Variants in NRG1 observed in about 807,000 individuals in gnomAD.
NRG1 encodes the protein pro-neuregulin-1, membrane-bound isoform.
A neutral mutation model predicts 63.8 loss-of-function variants in NRG1; 18 were observed. The observed-to-expected ratio is 0.28, with a 90% CI of 0.19 to 0.42. The LOEUF is 0.42. Among genes scored for constraint, NRG1 ranks in the 10% least tolerant of loss-of-function variants. The pLI, the probability that NRG1 is intolerant of heterozygous loss-of-function variation, is 1.00. For synonymous variants in NRG1, 302 were observed against 301.3 expected (o/e 1.00, Z -0.02); for missense variants, 762 against 814.7 (o/e 0.94, Z 0.79).
At chr8:32,136,553 A>G (rs371252085) in intron 1 of NRG1, 1 of 152,230 alleles carries the variant, frequency 6.6e-6, no homozygotes, top group African/African-American at 2.4e-5. Flanking sequence ...TTGTGGTGGC[A>G]TATCTTTCTG....
chr8:32,357,781 A>G (rs1281007457), intron 1 of NRG1, among the ~76,000 whole-genome samples: 2 of 152,224 alleles, frequency 1.3e-5, no homozygotes, highest in African/African-American at 4.8e-5. Context: ...GCTGTTGGGA[A>G]TAGAAAAATT....
At chr8:31,800,444 A>T (rs981998686) in intron 1 of NRG1, among the ~76,000 whole-genome samples, 2 of 152,178 alleles carry the variant, frequency 1.3e-5, no homozygotes, top group African/African-American at 2.4e-5. Context: ...TTTTTAAAGC[A>T]TGTCTTATAG....
intron 1 of NRG1, among the ~76,000 whole-genome samples, chr8:32,033,497 A>T (rs1818593237): frequency 6.6e-6 from 1 of 152,154 alleles, no homozygotes; most frequent in Non-Finnish European, 1.5e-5. Flanking sequence ...TGTCAATTGT[A>T]TTTTAATGGA....
intron 1 of NRG1, among the ~76,000 whole-genome samples, chr8:32,202,052 G>A (rs1273063096): frequency 6.6e-6 from 1 of 152,150 alleles, no homozygotes; most frequent in African/African-American, 2.4e-5. Context: ...AATTTCTCAT[G>A]GTTGTGGTCT....
intron 1 of NRG1, among the ~76,000 whole-genome samples, chr8:32,030,114 AAT>A (rs1301088169): frequency 6.6e-6 from 1 of 152,208 alleles, no homozygotes; most frequent in African/African-American, 2.4e-5. Flanking sequence ...TTGAATAATA[AAT>A]ATATGTCTAT....
At chr8:32,543,983 T>G (rs7005606), upstream of NRG1, among the ~76,000 whole-genome samples, 60,045 of 152,110 alleles carry the variant, frequency 0.39, 12,883 homozygotes, top group Admixed American at 0.49. Context: ...CTGTGAATTA[T>G]TAAGCCTCCT....
At chr8:32,440,927 C>CA (rs1563468284) in intron 1 of NRG1, 1 of 152,108 alleles carries the variant, frequency 6.6e-6, no homozygotes, top group South Asian at 2.1e-4. Flanking sequence ...TTTCACAAAG[C>CA]AAAAAATTGA....
chr8:32,539,590 T>C (rs1832373224), intron 1 of NRG1, among the ~76,000 whole-genome samples: 1 of 152,182 alleles, frequency 6.6e-6, no homozygotes, highest in South Asian at 2.1e-4. Context: ...TGAATTGTCT[T>C]TGGGCATGTT....
chr8:32,709,550 A>G (rs1817284235), intron 5 of NRG1, among the ~76,000 whole-genome samples: 1 of 151,926 alleles, frequency 6.6e-6, no homozygotes, highest in Admixed American at 6.6e-5. Context: ...GGCTGGGACT[A>G]TGGGCCCATA....
intron 1 of NRG1, among the ~76,000 whole-genome samples, chr8:32,369,957 G>T (rs1164255721): frequency 1.3e-5 from 2 of 152,098 alleles, no homozygotes; most frequent in Non-Finnish European, 2.9e-5. Context: ...CAAATGAGCT[G>T]CAAAGGAGAG....
chr8:32,305,703 C>G (rs1856117290), intron 1 of NRG1, among the ~76,000 whole-genome samples: 4 of 152,196 alleles, frequency 2.6e-5, no homozygotes, highest in Admixed American at 2.6e-4. Context: ...TTTGTAGGGA[C>G]AAGCTTTATA....
chr8:31,942,141 T>G, intron 1 of NRG1, among the ~76,000 whole-genome samples: 1 of 151,986 alleles, frequency 6.6e-6, no homozygotes, highest in South Asian at 2.1e-4. Context: ...TGAAACTATA[T>G]TATAAGGCAA....
intron 1 of NRG1, among the ~76,000 whole-genome samples, chr8:32,295,106 A>G (rs1262208878): frequency 2.0e-5 from 3 of 152,174 alleles, no homozygotes; most frequent in African/African-American, 7.2e-5. Flanking sequence ...TTGTGAAAAT[A>G]AAGTGTCTAG....
At chr8:32,724,653 A>G (rs983442123) in intron 5 of NRG1, among the ~76,000 whole-genome samples, 1 of 152,160 alleles carries the variant, frequency 6.6e-6, no homozygotes, top group African/African-American at 2.4e-5. Flanking sequence ...TCCGACAATT[A>G]CAACTTATTC....
chr8:31,910,410 G>C (rs1036464266), intron 1 of NRG1, among the ~76,000 whole-genome samples: 2 of 152,192 alleles, frequency 1.3e-5, no homozygotes, highest in African/African-American at 4.8e-5. Flanking sequence ...CTATCAAAGA[G>C]TTTTAAGCAG....
At chr8:32,588,138 C>G (rs1238610245) in intron 1 of NRG1, among the ~76,000 whole-genome samples, 1 of 151,756 alleles carries the variant, frequency 6.6e-6, no homozygotes, top group African/African-American at 2.4e-5. Flanking sequence ...GTCAGGCTGG[C>G]CTTGAACTCT....
At chr8:32,096,664 T>C (rs1211176536) in intron 1 of NRG1, among the ~76,000 whole-genome samples, 1 of 152,120 alleles carries the variant, frequency 6.6e-6, no homozygotes, top group African/African-American at 2.4e-5. Flanking sequence ...AGAGATTACA[T>C]GGTGAGAGAG....
intron 1 of NRG1, among the ~76,000 whole-genome samples, chr8:31,792,848 C>T (rs758341293): frequency 6.6e-6 from 1 of 152,148 alleles, no homozygotes; most frequent in South Asian, 2.1e-4. Context: ...AAACCATTGT[C>T]GCATTGCTTT....
downstream of NRG1, among the ~76,000 whole-genome samples, chr8:32,769,096 C>G (rs928034071): frequency 1.3e-5 from 2 of 152,226 alleles, no homozygotes; most frequent in Non-Finnish European, 2.9e-5. Flanking sequence ...AAAGCCACCA[C>G]ACTCTTTCAC....
Sources: gnomAD v4.1 joint callset for allele counts (sites outside exome capture counted in the v4.1 genomes callset) on GRCh38, gnomAD v4.1.1 for gene constraint, MANE v1.5 for transcripts, NCBI Gene and HGNC (gene_info 2026-07-23, HGNC 2026-07-21) for gene names.